The following ARMC9 variants were observed in gnomAD, a reference collection of about 807,000 sequenced individuals.
The protein encoded by ARMC9 is lisH domain-containing protein ARMC9.
A neutral mutation model predicts 107.0 loss-of-function variants in ARMC9; 94 were observed. The ratio of observed to expected loss-of-function variants is 0.88; its 90% CI spans 0.74 to 1.04. The LOEUF is 1.04. ARMC9 is among the 50% of genes least tolerant of loss of function. ARMC9 has a pLI of 0.00. For missense variants in ARMC9, 942 were observed against 1,030.1 expected (o/e 0.91, Z 1.17); for synonymous variants, 380 against 396.9 (o/e 0.96, Z 0.51).
At position 231,333,833 on chromosome 2, in the gene ARMC9, G is replaced by A. The variant is rs75244496; in HGVS notation, c.1878+1936G>A. Among the ~76,000 whole-genome samples, 916 of 152,350 alleles carry A rather than the reference G, an allele frequency of 6.0e-3. 4 individuals carry two copies. The highest frequency in any genetic ancestry group is 8.8e-3 in the Non-Finnish European group (596 of 68,042). ...CCATTTGCAGCCAGGTCAGACAGAA[G>A]CTTGAATACAGCGCTCAGTTAATAA... is the stretch of plus-strand genomic sequence containing the variant. On this transcript the variant is annotated intron_variant, in intron 20 of 24. Coordinates refer to ENST00000611582, the MANE Select transcript of ARMC9 (RefSeq NM_001352754.2).
chr2:231,247,592 C>G (rs938959868), intron 9 of ARMC9, among the ~76,000 whole-genome samples: 1 of 152,196 alleles, frequency 6.6e-6, no homozygotes, highest in Non-Finnish European at 1.5e-5. Flanking sequence ...CCTCGTATAC[C>G]AATGCCTGTT....
intron 23 of ARMC9, among the ~76,000 whole-genome samples, chr2:231,366,140 G>A (rs186854664): frequency 5.0e-4 from 76 of 152,350 alleles, no homozygotes; most frequent in Admixed American, 1.5e-3. Context: ...CCAGCAGGCT[G>A]GAGAGTCAGG....
intron 1 of ARMC9, among the ~76,000 whole-genome samples, chr2:231,202,158 C>T (rs1327940564): frequency 1.3e-5 from 2 of 151,920 alleles, no homozygotes. Flanking sequence ...TGCCACCACA[C>T]CCGGCTAATT....
At chr2:231,299,004 T>C (rs571593953) in intron 19 of ARMC9, among the ~76,000 whole-genome samples, 35 of 152,126 alleles carry the variant, frequency 2.3e-4, no homozygotes, top group Non-Finnish European at 4.6e-4. Flanking sequence ...TAAATCACAT[T>C]GAGCTGAAAT....
At chr2:231,301,097 A>T (rs1386414105) in intron 19 of ARMC9, among the ~76,000 whole-genome samples, 1 of 152,244 alleles carries the variant, frequency 6.6e-6, no homozygotes, top group Non-Finnish European at 1.5e-5. Flanking sequence ...ACACAGATCC[A>T]TATATACTTT....
At chr2:231,284,635 A>G (rs1195079825) in intron 17 of ARMC9, among the ~76,000 whole-genome samples, 1 of 152,216 alleles carries the variant, frequency 6.6e-6, no homozygotes, top group Non-Finnish European at 1.5e-5. Context: ...GCAAGACAGA[A>G]GCCCCAGTGT....
chr2:231,302,437 GTTTTTT>G (rs56032700), intron 19 of ARMC9, among the ~76,000 whole-genome samples: 1 of 58,074 alleles, frequency 1.7e-5, no homozygotes, highest in Non-Finnish European at 3.3e-5. Context: ...TTGTGGGTTT[GTTTTTT>G]TTTTTTTTTT....
At chr2:231,224,498 AG>A (rs1479822249) in intron 6 of ARMC9, among the ~76,000 whole-genome samples, 1 of 152,234 alleles carries the variant, frequency 6.6e-6, no homozygotes, top group Non-Finnish European at 1.5e-5. Context: ...TTTTATAGGA[AG>A]AGTATGAAGA....
At chr2:231,238,379 C>T (rs192402351) in intron 8 of ARMC9, among the ~76,000 whole-genome samples, 6 of 152,328 alleles carry the variant, frequency 3.9e-5, no homozygotes, top group African/African-American at 1.2e-4. Flanking sequence ...GAGACAGGGT[C>T]TCACTCTGTT....
In ARMC9 at chr2:231,199,176, C is replaced by T. The variant is rs576031200; in HGVS notation, c.-42+478C>T. ...CTTCCATACAAATCCCATAATCCCA[C>T]CCGTTTGTGGGCCCTAAATCTTTCT... On this transcript the variant is annotated intron_variant, in intron 1 of 24. Transcript: ENST00000611582. Among the ~76,000 whole-genome samples, 8 of 152,336 alleles carry T rather than the reference C, an allele frequency of 5.3e-5. No homozygotes were observed. The South Asian group carries it at 1.4e-3, about 28-fold the overall frequency.
chr2:231,319,447 C>T (rs2042881551), intron 19 of ARMC9, among the ~76,000 whole-genome samples: 1 of 152,198 alleles, frequency 6.6e-6, no homozygotes, highest in Non-Finnish European at 1.5e-5. Flanking sequence ...AGCCCAGCAT[C>T]TCACCCCCAT....
At chr2:231,262,246 G>A (rs1481401371) in intron 11 of ARMC9, 60 bp from the exon 12 acceptor site, 1 of 1,519,718 alleles carries the variant, frequency 6.6e-7, no homozygotes. Context: ...CACCTGCTAT[G>A]AGAAACTTTT....
intron 12 of ARMC9, among the ~76,000 whole-genome samples, chr2:231,264,845 G>A (rs1199721978): frequency 6.6e-6 from 1 of 152,014 alleles, no homozygotes; most frequent in Middle Eastern, 3.2e-3. Flanking sequence ...AGTGGCTCAT[G>A]CCTATAATTG....
At chr2:231,322,198 C>G (rs1325925901) in intron 19 of ARMC9, among the ~76,000 whole-genome samples, 1 of 152,236 alleles carries the variant, frequency 6.6e-6, no homozygotes, top group African/African-American at 2.4e-5. Context: ...GACGTGCTTC[C>G]ATCTGCAGTC....
intron 17 of ARMC9, among the ~76,000 whole-genome samples, chr2:231,287,603 G>A (rs1472280873): frequency 3.9e-5 from 6 of 151,954 alleles, no homozygotes; most frequent in Non-Finnish European, 5.9e-5. Context: ...GGCTGGTCTC[G>A]AACTCCTAGG....
chr2:231,226,046 A>G (rs1266642179), intron 6 of ARMC9, among the ~76,000 whole-genome samples: 2 of 152,174 alleles, frequency 1.3e-5, no homozygotes, highest in Admixed American at 1.3e-4. Flanking sequence ...TAGCAGAGAC[A>G]GGGTTTTGCC....
intron 9 of ARMC9, chr2:231,240,244 G>A (rs112185515): frequency 1.0e-5 from 6 of 585,592 alleles, no homozygotes; most frequent in African/African-American, 9.3e-5. Flanking sequence ...GGAGGGTGAG[G>A]AGAGAGGCGT....
intron 19 of ARMC9, 104 bp from the exon 20 acceptor site, chr2:231,331,689 G>T: frequency 3.1e-6 from 3 of 953,516 alleles, no homozygotes; most frequent in Non-Finnish European, 3.2e-6. Context: ...GCTGTGATTG[G>T]CCGAGGCCTT....
intron 19 of ARMC9, among the ~76,000 whole-genome samples, chr2:231,330,283 G>A (rs1669076): frequency 0.33 from 48,280 of 147,322 alleles, 7,990 homozygotes; most frequent in Middle Eastern, 0.38. Context: ...ACTGAAGTAC[G>A]ATGGCGCAAT....
Sources: gnomAD v4.1 joint callset for allele counts (sites outside exome capture counted in the v4.1 genomes callset) on GRCh38, gnomAD v4.1.1 for gene constraint, MANE v1.5 for transcripts, NCBI Gene and HGNC (gene_info 2026-07-23, HGNC 2026-07-21) for gene names.